TYMS: variants seen among roughly 807,000 people sequenced by gnomAD.
TYMS encodes the protein thymidylate synthetase, also known as thymidylate synthase.
TYMS carries 21 observed loss-of-function variants against 39.3 expected under a neutral mutation model. That is an observed-to-expected ratio of 0.54 (90% CI 0.38 to 0.77). The LOEUF (loss-of-function observed/expected upper bound fraction) is 0.77. TYMS is among the 30% of genes least tolerant of loss of function. The pLI is 0.00. For missense variants in TYMS, 273 were observed against 406.7 expected, an observed-to-expected ratio of 0.67 and a Z score of 2.83; for synonymous variants, 171 against 162.2, an observed-to-expected ratio of 1.05 and a Z score of -0.41.
intron 4 of TYMS, among the ~76,000 whole-genome samples, chr18:669,643 CTTAAT>C (rs891836869): frequency 5.9e-5 from 9 of 151,986 alleles, no homozygotes; most frequent in African/African-American, 1.7e-4. Context: ...ACCAGATGAT[CTTAAT>C]TTGTGTATTT....
At position 670,839 on chromosome 18, in the gene TYMS, A is replaced by G; in HGVS notation, c.704A>G (p.Tyr235Cys). ...ATCGCCAGCTACGCCCTGCTCACGTACATGATTGCGCACATCACGGGCCTG... is the reference window on the plus strand; with the variant it reads ...ATCGCCAGCTACGCCCTGCTCACGTGCATGATTGCGCACATCACGGGCCTG... ...FNIASYALLT[Y>C]MIAHITGLKP... is the part of the protein sequence containing the mutation. The change falls in exon 5 of 7, where the codon TAC becomes TGC. Residue 235 changes from tyrosine (Y) to cysteine (C), a missense_variant. Tyr to Cys is a radical substitution (Grantham distance 194). Around this residue, in one of 3 missense-constraint regions of TYMS, gnomAD observed 228 missense variants for 326.1 expected, o/e 0.70. Coordinates refer to ENST00000323274, the MANE Select transcript of TYMS (RefSeq NM_001071.4). 6.2e-7 allele frequency: 1 copy of G among 1,613,998 alleles called. No homozygotes were observed. The highest frequency in any genetic ancestry group is 8.5e-7 in the Non-Finnish European group (1 of 1,179,994).
At chr18:668,135 G>A (rs112458419) in intron 3 of TYMS, among the ~76,000 whole-genome samples, 8 of 151,742 alleles carry the variant, frequency 5.3e-5, no homozygotes, top group Non-Finnish European at 1.0e-4. Context: ...CTAGTTTTAC[G>A]TGCACTTGTG....
intron 5 of TYMS, 173 bp from the exon 6 acceptor site, chr18:671,207 A>G (rs2075030806): frequency 4.7e-6 from 3 of 632,396 alleles, no homozygotes; most frequent in East Asian, 5.5e-5. Context: ...CTGGAGTTCA[A>G]TACCAGCCTG....
At chr18:671,265 CTAAAT>C in intron 5 of TYMS, 110 bp from the exon 6 acceptor site, 1 of 786,494 alleles carries the variant, frequency 1.3e-6, no homozygotes, top group Non-Finnish European at 2.2e-6. Flanking sequence ...AAAAGCTACA[CTAAAT>C]TATTTTTTTA....
At chr18:667,541 T>TGATGGA (rs2074877880) in intron 3 of TYMS, among the ~76,000 whole-genome samples, 1 of 64,980 alleles carries the variant, frequency 1.5e-5, no homozygotes, top group Non-Finnish European at 2.7e-5. Flanking sequence ...ATGGTGATGG[T>TGATGGA]GATGGTGATG....
At position 660,291 on chromosome 18, in the gene TYMS, C is replaced by A. The variant is rs890571416; in HGVS notation, c.279+577C>A. Among the ~76,000 whole-genome samples, 1 of 152,274 alleles carries A rather than the reference C, an allele frequency of 6.6e-6. No individual in the cohort carries two copies. The highest frequency in any genetic ancestry group is 3.4e-3 in the Middle Eastern group (1 of 294). On this transcript the variant is annotated intron_variant, in intron 2 of 6. Transcript: ENST00000323274. This position sits in a 1 kb window ranked among gnomAD's most constrained non-coding sequence, Gnocchi z 4.6. ...AACCTTCTTCCCCCACACTTGGCTT[C>A]TTCCTTTGAGTCTCTACTCCACTCG... is the stretch of plus-strand genomic sequence containing the variant.
At chr18:670,593 CAT>C (rs1418769609) in intron 4 of TYMS, 97 bp from the exon 5 acceptor site, 21 of 1,325,282 alleles carry the variant, frequency 1.6e-5, no homozygotes, top group East Asian at 9.2e-5. Context: ...TGGTCTCCAC[CAT>C]ATGAGTTGGC....
intron 1 of TYMS, among the ~76,000 whole-genome samples, chr18:659,251 C>G (rs1225943898): frequency 1.3e-5 from 2 of 152,118 alleles, no homozygotes; most frequent in African/African-American, 4.8e-5. Flanking sequence ...CTCTGTGGCT[C>G]GACACTTCTG....
chr18:668,164 T>C (rs1393277940), intron 3 of TYMS, among the ~76,000 whole-genome samples: 1 of 152,070 alleles, frequency 6.6e-6, no homozygotes, highest in African/African-American at 2.4e-5. Context: ...TATTTGCAAT[T>C]TTAGCACGTG....
chr18:667,540 GT>G lies in TYMS; in HGVS notation c.455-1531del, dbSNP rs1468956326. Among the ~76,000 whole-genome samples the G allele has an allele frequency of 1.2e-4, 11 of 88,974 alleles. 2 individuals carry two copies. The highest frequency in any genetic ancestry group is 8.3e-4 in the African/African-American group (11 of 13,208). 58.4% of individuals were successfully genotyped at this position (88,974 alleles called of 152,430 possible). A position where few individuals can be genotyped will look rare whatever the true frequency, so the allele number is the denominator to read the frequency against. The stretch of plus-strand genomic sequence containing the variant: ...GGTGATGGTGATGGAGATGGTGATG[GT>G]GATGGTGATGGAGATGGTGATGGTG... On this transcript the variant is annotated intron_variant, in intron 3 of 6. Coordinates refer to ENST00000323274, the MANE Select transcript of TYMS (RefSeq NM_001071.4).
intron 2 of TYMS, 74 bp downstream of exon 2, chr18:659,788 CAA>C: frequency 7.4e-7 from 1 of 1,346,848 alleles, no homozygotes; most frequent in Non-Finnish European, 1.1e-6. Flanking sequence ...TTTCAAAACT[CAA>C]AGCAGCCAGG....
intron 3 of TYMS, among the ~76,000 whole-genome samples, chr18:666,999 A>T (rs287599): frequency 0.14 from 798 of 5,520 alleles, 21 homozygotes; most frequent in Non-Finnish European, 0.19. Context: ...ATGGTGATGG[A>T]GATGGTGATG....
chr18:670,597 T>C, intron 4 of TYMS, 95 bp from the exon 5 acceptor site: 3 of 1,357,514 alleles, frequency 2.2e-6, no homozygotes, highest in Admixed American at 3.8e-5. Flanking sequence ...CTCCACCATA[T>C]GAGTTGGCTT....
chr18:671,441 T>G lies in TYMS; in HGVS notation c.794T>G (p.Leu265Arg), dbSNP rs1390986435. 6.2e-7 allele frequency: 1 copy of G among 1,608,912 alleles called. No individual in the cohort carries two copies. Among genetic ancestry groups the G allele is most frequent in the Non-Finnish European group, 8.5e-7 (1 of 1,176,972 alleles). Residue 265 changes from leucine to arginine, a missense_variant, in exon 6 of 7, where the codon CTG (leucine) becomes CGG (arginine). Around this residue, in one of 3 missense-constraint regions of TYMS, gnomAD observed 10 missense variants for 38.2 expected, o/e 0.26. Coordinates refer to ENST00000323274, the MANE Select transcript of TYMS (RefSeq NM_001071.4). ...ATTTACCTGAATCACATCGAGCCAC[T>G]GAAAATTCAGGTAAGAATTAGATGT... ...AHIYLNHIEP[L>R]KIQLQREPRP...
chr18:671,597 AG>A, intron 6 of TYMS, 146 bp downstream of exon 6: 1 of 681,310 alleles, frequency 1.5e-6, no homozygotes, highest in Non-Finnish European at 2.6e-6. Flanking sequence ...AGTGGTGGGC[AG>A]GTGGGCAGGA....
rs879463272 is a variant in TYMS at position 659,133 on chromosome 18, AAGC to A, written c.206-505_206-503del. Among the ~76,000 whole-genome samples the A allele has an allele frequency of 2.6e-5, 4 of 152,320 alleles. No homozygotes were observed. In the East Asian group the frequency reaches 7.7e-4, roughly 29 times the overall value. The stretch of plus-strand genomic sequence containing the variant: ...AATGCTTAGTAGGCAATTCTGATAA[AAGC>A]AGGTGCTTGCAAAAATCTCTCTGTT... On this transcript the variant is annotated intron_variant, in intron 1 of 6. Coordinates refer to ENST00000323274, the MANE Select transcript of TYMS (RefSeq NM_001071.4).
At chr18:667,089 TGATGGAGATGGAGATGGA>T (rs1220451138) in intron 3 of TYMS, among the ~76,000 whole-genome samples, 3 of 50,140 alleles carry the variant, frequency 6.0e-5, no homozygotes, top group Non-Finnish European at 3.4e-5. Flanking sequence ...ATGGTGATGG[TGATGGAGATGGAGATGGA>T]GATGGTGATG....
At position 670,032 on chromosome 18, in the gene TYMS, G is replaced by C. The variant is rs2074961301; in HGVS notation, c.557-660G>C. Among the ~76,000 whole-genome samples the C allele has an allele frequency of 4.3e-5, 6 of 140,420 alleles. No homozygotes were observed. The South Asian group carries it at 1.4e-3, about 33-fold the overall frequency. The allele number at this position is 140,420 out of a possible 152,430, so 92.1% of individuals were successfully genotyped here. ...TACTTAGAGTGAAATACTTGCATCT[G>C]TAATAGAGACTTATTTTTTTTTTTT... On this transcript the variant is annotated intron_variant, in intron 4 of 6. Coordinates refer to ENST00000323274, the MANE Select transcript of TYMS (RefSeq NM_001071.4).
At chr18:662,847 T>A (rs972323264) in intron 3 of TYMS, among the ~76,000 whole-genome samples, 2 of 149,748 alleles carry the variant, frequency 1.3e-5, no homozygotes, top group African/African-American at 5.0e-5. Flanking sequence ...CATGAACTCA[T>A]CATTTTTTAT....
Sources: allele counts gnomAD v4.1 joint callset (sites outside exome capture counted in the v4.1 genomes callset), GRCh38; gene constraint gnomAD v4.1.1; regional missense constraint gnomAD v4.1.1; non-coding constraint Gnocchi (gnomAD v3.1); transcripts MANE v1.5; gene names NCBI Gene and HGNC (gene_info 2026-07-23, HGNC 2026-07-21).